The following PRKCA variants were observed in gnomAD, a reference collection of about 807,000 sequenced individuals.
The protein encoded by PRKCA is protein kinase C alpha, also known as protein kinase C alpha type.
Under a neutral mutation model 87.0 loss-of-function variants are expected in PRKCA, and 27 were observed. The observed-to-expected ratio is 0.31, with a 90% CI of 0.23 to 0.43. The LOEUF (loss-of-function observed/expected upper bound fraction) is 0.43. PRKCA is among the 20% of genes least tolerant of loss of function. The probability of loss-of-function intolerance (pLI) is 1.00; values close to 1 mark genes in which losing one functional copy is unlikely to be tolerated. For missense variants in PRKCA, 518 were observed against 852.3 expected (o/e 0.61, Z 4.88); for synonymous variants, 329 against 311.1 (o/e 1.06, Z -0.61).
At chr17:66,681,137 GA>G (rs1330233839) in intron 5 of PRKCA, among the ~76,000 whole-genome samples, 1 of 152,144 alleles carries the variant, frequency 6.6e-6, no homozygotes, top group Non-Finnish European at 1.5e-5. Context: ...GCTGACGCAG[GA>G]GACTCACTTG....
At chr17:66,687,542 A>G (rs765629832) in intron 6 of PRKCA, among the ~76,000 whole-genome samples, 4 of 152,190 alleles carry the variant, frequency 2.6e-5, no homozygotes, top group Non-Finnish European at 4.4e-5. Flanking sequence ...AGGTAAATAG[A>G]ATTTAAGCTA....
At chr17:66,385,238 C>G (rs573674457) in intron 2 of PRKCA, among the ~76,000 whole-genome samples, 32 of 152,278 alleles carry the variant, frequency 2.1e-4, no homozygotes, top group African/African-American at 7.7e-4. Context: ...TCCTCTCAGC[C>G]CATCAACCTA....
intron 2 of PRKCA, among the ~76,000 whole-genome samples, chr17:66,407,605 C>G (rs757220776): frequency 6.6e-6 from 1 of 151,798 alleles, no homozygotes; most frequent in Non-Finnish European, 1.5e-5. Context: ...TTATTTGGAC[C>G]TAAATATATC....
At chr17:66,343,363 G>C (rs1036529054) in intron 2 of PRKCA, among the ~76,000 whole-genome samples, 8 of 151,946 alleles carry the variant, frequency 5.3e-5, no homozygotes, top group African/African-American at 1.9e-4. Context: ...GTCTATTCTG[G>C]GGCCATATCA....
chr17:66,688,577 T>C, intron 7 of PRKCA, 141 bp downstream of exon 7: 1 of 1,107,446 alleles, frequency 9.0e-7, no homozygotes. Context: ...CCGAGGCAGG[T>C]GGATTGCTTG....
chr17:66,581,370 T>C (rs568613401), intron 3 of PRKCA, among the ~76,000 whole-genome samples: 7 of 152,358 alleles, frequency 4.6e-5, no homozygotes, highest in Admixed American at 2.0e-4. Context: ...GACATTCAAA[T>C]AGGAAGTTCA....
chr17:66,804,097 A>G lies in PRKCA; in HGVS notation c.*60A>G, dbSNP rs1429367695. Reference sequence around the variant, plus strand: ...CCAGCCCTCCCCGCAGTGGGAAGTGAATCCTTAACCCTAAAATTTTAAGGC... The same window carrying G: ...CCAGCCCTCCCCGCAGTGGGAAGTGGATCCTTAACCCTAAAATTTTAAGGC... On this transcript the variant is annotated 3_prime_UTR_variant, in exon 17 of 17. Coordinates refer to ENST00000413366, the MANE Select transcript of PRKCA (RefSeq NM_002737.3). 7.1e-6 allele frequency: 11 copies of G among 1,552,616 alleles called. No individual in the cohort carries two copies. In the South Asian group the frequency reaches 9.5e-5, roughly 13 times the overall value.
At chr17:66,764,752 A>G (rs77904275) in intron 13 of PRKCA, among the ~76,000 whole-genome samples, 5,177 of 152,332 alleles carry the variant, frequency 0.034, 113 homozygotes, top group East Asian at 0.046. Context: ...GAGTTTCTCC[A>G]TTATGGGAAA....
intron 3 of PRKCA, among the ~76,000 whole-genome samples, chr17:66,568,313 CA>C (rs1414892714): frequency 6.6e-6 from 1 of 152,154 alleles, no homozygotes; most frequent in African/African-American, 2.4e-5. Flanking sequence ...GACTCTGTCT[CA>C]AAAAACCCCC....
At chr17:66,456,735 G>A (rs1353573094) in intron 2 of PRKCA, among the ~76,000 whole-genome samples, 1 of 152,148 alleles carries the variant, frequency 6.6e-6, no homozygotes, top group Non-Finnish European at 1.5e-5. Flanking sequence ...TGCACCTACT[G>A]GCTTCCCAGA....
At chr17:66,610,615 A>G (rs1375398167) in intron 3 of PRKCA, among the ~76,000 whole-genome samples, 1 of 152,236 alleles carries the variant, frequency 6.6e-6, no homozygotes, top group Non-Finnish European at 1.5e-5. Flanking sequence ...CGCAAAGGAA[A>G]TAACACTCGA....
At position 66,382,737 on chromosome 17, in the gene PRKCA, G is replaced by C. The variant is rs560793950; in HGVS notation, c.205+76610G>C. On this transcript the variant is annotated intron_variant, in intron 2 of 16. Coordinates refer to ENST00000413366, the MANE Select transcript of PRKCA (RefSeq NM_002737.3). ...CCCAGGAGACACCTGACAGTGTCTG[G>C]AGACATTTTTTATTGTTATACTGGG... Among the ~76,000 whole-genome samples the C allele has an allele frequency of 2.0e-5, 3 of 152,214 alleles. No individual in the cohort carries two copies. The East Asian group carries it at 5.8e-4, about 29-fold the overall frequency.
chr17:66,693,435 C>T (rs187684580), intron 8 of PRKCA, among the ~76,000 whole-genome samples: 671 of 152,328 alleles, frequency 4.4e-3, no homozygotes, highest in Non-Finnish European at 6.9e-3. Flanking sequence ...CAGACAGTTC[C>T]TGCTTTCTTT....
chr17:66,731,632 G>A (rs1189240399), intron 8 of PRKCA, among the ~76,000 whole-genome samples: 1 of 152,084 alleles, frequency 6.6e-6, no homozygotes. Context: ...TTTACCTTTT[G>A]CCTTTGACAT....
chr17:66,418,686 C>T (rs1170777182), intron 2 of PRKCA, among the ~76,000 whole-genome samples: 1 of 151,944 alleles, frequency 6.6e-6, no homozygotes, highest in Non-Finnish European at 1.5e-5. Context: ...ATCTTCCAGC[C>T]CCAGCCTCCT....
In PRKCA at chr17:66,710,281, G is replaced by A. The variant is rs539026841; in HGVS notation, c.918+21234G>A. On this transcript the variant is annotated intron_variant, in intron 8 of 16. Transcript: ENST00000413366. ...CTCCTGACCCTGGTGCTGTGTCTCGGGGTCACCGTCTGTCTGCTGTGCCTG... is the reference window on the plus strand; with the variant it reads ...CTCCTGACCCTGGTGCTGTGTCTCGAGGTCACCGTCTGTCTGCTGTGCCTG... 2.6e-5 allele frequency among the ~76,000 whole-genome samples: 4 copies of A among 152,140 alleles called. No homozygotes were observed. In the East Asian group the frequency reaches 7.7e-4, roughly 29 times the overall value.
At chr17:66,492,000 TTTTC>T (rs1409276666) in intron 2 of PRKCA, among the ~76,000 whole-genome samples, 1 of 152,192 alleles carries the variant, frequency 6.6e-6, no homozygotes, top group Non-Finnish European at 1.5e-5. Context: ...CATCTACACT[TTTTC>T]TCCTTAGTCA....
chr17:66,671,452 G>A (rs939261053), intron 5 of PRKCA, among the ~76,000 whole-genome samples: 1 of 152,082 alleles, frequency 6.6e-6, no homozygotes, highest in Non-Finnish European at 1.5e-5. Flanking sequence ...TGGATACCAA[G>A]TAGGGTTATT....
intron 8 of PRKCA, among the ~76,000 whole-genome samples, chr17:66,727,287 AG>A (rs1348815850): frequency 1.1e-4 from 17 of 152,314 alleles, no homozygotes; most frequent in African/African-American, 3.8e-4. Context: ...GTGGCGTGCA[AG>A]GGGGTTTGGG....
Sources: allele counts gnomAD v4.1 joint callset (sites outside exome capture counted in the v4.1 genomes callset), GRCh38; gene constraint gnomAD v4.1.1; transcripts MANE v1.5; gene names NCBI Gene and HGNC (gene_info 2026-07-23, HGNC 2026-07-21).